Variants in BMPR1B observed in about 807,000 individuals in gnomAD.
BMPR1B encodes bone morphogenetic protein receptor type 1B.
In BMPR1B, 12 loss-of-function variants were observed where a neutral mutation model predicts 59.1. The ratio of observed to expected loss-of-function variants is 0.20; its 90% confidence interval spans 0.13 to 0.33. BMPR1B has a LOEUF of 0.33. BMPR1B is among the 10% of genes least tolerant of loss of function. The probability of loss-of-function intolerance (pLI) is 1.00; values close to 1 mark genes in which losing one functional copy is unlikely to be tolerated. For synonymous variants in BMPR1B, 237 were observed against 207.3 expected (o/e 1.14, Z -1.23); for missense variants, 550 against 610.9 (o/e 0.90, Z 1.05).
At chr4:95,147,849 A>T (rs180831739) in intron 10 of BMPR1B, among the ~76,000 whole-genome samples, 52 of 152,218 alleles carry the variant, frequency 3.4e-4, no homozygotes, top group Middle Eastern at 6.8e-3. Flanking sequence ...GTCATTCAGC[A>T]CCCTTAGAAC....
intron 3 of BMPR1B, among the ~76,000 whole-genome samples, chr4:95,069,334 G>C (rs1407999014): frequency 6.6e-6 from 1 of 152,144 alleles, no homozygotes; most frequent in African/African-American, 2.4e-5. Context: ...ATGAAGATCT[G>C]TTCCCCATTT....
intron 1 of BMPR1B, among the ~76,000 whole-genome samples, chr4:94,772,618 T>C (rs932621263): frequency 6.6e-6 from 1 of 152,290 alleles, no homozygotes; most frequent in Middle Eastern, 3.4e-3. Flanking sequence ...TGCAAAAATG[T>C]AATAAGATAT....
At chr4:95,061,850 T>C (rs1159430413) in intron 3 of BMPR1B, among the ~76,000 whole-genome samples, 1 of 152,154 alleles carries the variant, frequency 6.6e-6, no homozygotes, top group African/African-American at 2.4e-5. Context: ...TAATTCCCAA[T>C]GTTGGGGGAG....
At chr4:95,089,640 G>A (rs1022869005) in intron 3 of BMPR1B, among the ~76,000 whole-genome samples, 9 of 151,998 alleles carry the variant, frequency 5.9e-5, no homozygotes, top group African/African-American at 2.2e-4. Flanking sequence ...GCAGCATCAG[G>A]CCAGAATGTT....
chr4:94,792,027 T>A (rs1228497229), intron 1 of BMPR1B, among the ~76,000 whole-genome samples: 1 of 152,206 alleles, frequency 6.6e-6, no homozygotes, highest in Non-Finnish European at 1.5e-5. Context: ...TATAAATGCT[T>A]AAGACACTAA....
At chr4:94,926,009 C>A (rs1318723421) in intron 2 of BMPR1B, among the ~76,000 whole-genome samples, 2 of 145,948 alleles carry the variant, frequency 1.4e-5, no homozygotes, top group Non-Finnish European at 3.0e-5. Context: ...TCTTTCCTCC[C>A]CTTCCCTTCC....
At chr4:94,945,902 A>G (rs1359747995) in intron 2 of BMPR1B, among the ~76,000 whole-genome samples, 1 of 152,212 alleles carries the variant, frequency 6.6e-6, no homozygotes, top group East Asian at 1.9e-4. Flanking sequence ...TGATGTGCAG[A>G]ACAAACTATA....
intron 2 of BMPR1B, among the ~76,000 whole-genome samples, chr4:94,881,854 G>T (rs776886784): frequency 5.9e-5 from 9 of 152,094 alleles, no homozygotes; most frequent in Admixed American, 2.0e-4. Flanking sequence ...CTGCCTTTTA[G>T]CTCTAAAAAT....
At chr4:95,116,022 A>C (rs565324315) in intron 6 of BMPR1B, among the ~76,000 whole-genome samples, 1 of 152,204 alleles carries the variant, frequency 6.6e-6, no homozygotes, top group South Asian at 2.1e-4. Flanking sequence ...CTGTTCAGAA[A>C]ATTGCTATTC....
chr4:94,826,039 T>TG (rs1324730329), intron 1 of BMPR1B, among the ~76,000 whole-genome samples: 2 of 152,052 alleles, frequency 1.3e-5, no homozygotes, highest in Non-Finnish European at 2.9e-5. Flanking sequence ...TTTTTATTTG[T>TG]GGAAAAAAAA....
intron 2 of BMPR1B, among the ~76,000 whole-genome samples, chr4:94,979,960 G>C (rs1731171786): frequency 6.6e-6 from 1 of 152,148 alleles, no homozygotes; most frequent in South Asian, 2.1e-4. Flanking sequence ...GTTTTTGTGG[G>C]GGTACCAGGT....
chr4:94,766,425 TA>T (rs1248787426), intron 1 of BMPR1B, among the ~76,000 whole-genome samples: 4 of 143,854 alleles, frequency 2.8e-5, no homozygotes, highest in African/African-American at 5.0e-5. Context: ...TTTTTTTTTT[TA>T]AACTCTTTTT....
At chr4:94,897,758 G>A (rs1423520515) in intron 2 of BMPR1B, among the ~76,000 whole-genome samples, 1 of 151,856 alleles carries the variant, frequency 6.6e-6, no homozygotes, top group East Asian at 1.9e-4. Context: ...TCTATACTTG[G>A]ATGTTTAGAT....
chr4:94,961,797 C>T (rs1730364113), intron 2 of BMPR1B, among the ~76,000 whole-genome samples: 1 of 152,012 alleles, frequency 6.6e-6, no homozygotes, highest in Admixed American at 6.6e-5. Context: ...TACTTTAAAA[C>T]TTTTTATTTT....
At chr4:95,103,338 C>T in intron 3 of BMPR1B, 1 of 540,360 alleles carries the variant, frequency 1.9e-6, no homozygotes. Context: ...TACTTCTGAC[C>T]TAAAATTTCA....
At chr4:94,997,123 A>G (rs1248091702) in intron 3 of BMPR1B, among the ~76,000 whole-genome samples, 1 of 152,254 alleles carries the variant, frequency 6.6e-6, no homozygotes, top group Non-Finnish European at 1.5e-5. Context: ...ATCTACTGAC[A>G]TAATGAAAAT....
At chr4:94,978,813 A>C (rs1731124217) in intron 2 of BMPR1B, among the ~76,000 whole-genome samples, 1 of 152,094 alleles carries the variant, frequency 6.6e-6, no homozygotes, top group Admixed American at 6.6e-5. Context: ...GAGACTGGGT[A>C]ATTTATAAAG....
chr4:94,924,051 T>C (rs1286505143), intron 2 of BMPR1B, among the ~76,000 whole-genome samples: 2 of 152,154 alleles, frequency 1.3e-5, no homozygotes, highest in African/African-American at 2.4e-5. Flanking sequence ...TGTGATGTTC[T>C]CTTTCATTTT....
At chr4:94,969,690 A>G (rs970690835) in intron 2 of BMPR1B, among the ~76,000 whole-genome samples, 1 of 152,160 alleles carries the variant, frequency 6.6e-6, no homozygotes, top group Non-Finnish European at 1.5e-5. Flanking sequence ...TAATACATAC[A>G]TATTTCACTT....
Sources: allele counts gnomAD v4.1 joint callset (sites outside exome capture counted in the v4.1 genomes callset), GRCh38; gene constraint gnomAD v4.1.1; transcripts MANE v1.5; gene names NCBI Gene and HGNC (gene_info 2026-07-23, HGNC 2026-07-21).